Variants in DCLK2 observed in about 807,000 individuals in gnomAD.
DCLK2 encodes the protein serine/threonine-protein kinase DCLK2.
DCLK2 carries 31 observed loss-of-function variants against 78.4 expected under a neutral mutation model. That is an observed-to-expected ratio of 0.40 (90% confidence interval 0.30 to 0.53). DCLK2 has a LOEUF of 0.53. DCLK2 is among the 20% of genes least tolerant of loss of function. DCLK2 has a pLI of 0.61. For missense variants in DCLK2, 872 were observed against 973.7 expected (o/e 0.90, Z 1.39); for synonymous variants, 407 against 374.9 (o/e 1.09, Z -0.99).
chr4:150,156,324 C>T (rs1735264941), intron 2 of DCLK2, among the ~76,000 whole-genome samples: 2 of 151,902 alleles, frequency 1.3e-5, no homozygotes, highest in African/African-American at 4.8e-5. Context: ...CACACTGACC[C>T]TGTGTAATAA....
chr4:150,155,736 G>A (rs1472162129), intron 2 of DCLK2, among the ~76,000 whole-genome samples: 1 of 152,128 alleles, frequency 6.6e-6, no homozygotes, highest in African/African-American at 2.4e-5. Context: ...AATAAGATTG[G>A]GATTTCTGAG....
intron 12 of DCLK2, among the ~76,000 whole-genome samples, chr4:150,241,437 C>T (rs1212960658): frequency 6.6e-6 from 1 of 152,196 alleles, no homozygotes; most frequent in Non-Finnish European, 1.5e-5. Context: ...TACTCTGAAG[C>T]AGAAGTTCAT....
At chr4:150,138,211 G>A (rs905310989) in intron 2 of DCLK2, among the ~76,000 whole-genome samples, 2 of 152,188 alleles carry the variant, frequency 1.3e-5, no homozygotes, top group African/African-American at 4.8e-5. Context: ...AAGCTCTTGG[G>A]CTTTGCAACC....
intron 2 of DCLK2, among the ~76,000 whole-genome samples, chr4:150,153,685 G>A (rs1735055933): frequency 6.6e-6 from 1 of 151,946 alleles, no homozygotes; most frequent in Non-Finnish European, 1.5e-5. Context: ...CAAAGTCCAG[G>A]ATTATAGATG....
intron 1 of DCLK2, among the ~76,000 whole-genome samples, chr4:150,088,828 T>C (rs946415820): frequency 6.6e-6 from 1 of 152,186 alleles, no homozygotes; most frequent in Non-Finnish European, 1.5e-5. Context: ...TCCAGCCCCT[T>C]TCAGCTCTGA....
At chr4:150,218,590 C>T (rs1176947136) in intron 5 of DCLK2, among the ~76,000 whole-genome samples, 3 of 152,186 alleles carry the variant, frequency 2.0e-5, no homozygotes, top group African/African-American at 7.2e-5. Context: ...AGGTACAGGT[C>T]TTAGGACCTC....
At chr4:150,176,482 T>G (rs924963510) in intron 2 of DCLK2, among the ~76,000 whole-genome samples, 32 of 152,196 alleles carry the variant, frequency 2.1e-4, no homozygotes, top group African/African-American at 7.5e-4. Context: ...TTCCCAAGTT[T>G]CCTTGCCACA....
At position 150,078,850 on chromosome 4, in the gene DCLK2, G is replaced by A. The variant is rs1729008371; in HGVS notation, c.-178G>A. On this transcript the variant is annotated 5_prime_UTR_variant, in exon 1 of 16. Coordinates refer to ENST00000296550, the MANE Select transcript of DCLK2 (RefSeq NM_001040260.4). ...GCGCTGCGGACACTTTTAGCTGAGGGCGCGGGCGGGTCGGCTCCTCCGCGG... is the reference window on the plus strand; with the variant it reads ...GCGCTGCGGACACTTTTAGCTGAGGACGCGGGCGGGTCGGCTCCTCCGCGG... The A allele has an allele frequency of 4.1e-6, 3 of 728,046 alleles. No individual in the cohort carries two copies. In the East Asian group the frequency reaches 9.7e-5, roughly 24 times the overall value. 45.1% of individuals were successfully genotyped at this position (728,046 alleles called of 1,614,324 possible). A position where few individuals can be genotyped will look rare whatever the true frequency, so the allele number is the denominator to read the frequency against.
intron 11 of DCLK2, 126 bp from the exon 12 acceptor site, chr4:150,240,273 G>T: frequency 1.3e-6 from 1 of 799,348 alleles, no homozygotes; most frequent in Non-Finnish European, 2.0e-6. Flanking sequence ...ATCTCTATGT[G>T]AAATGAAATG....
chr4:150,153,266 G>A (rs1321632474), intron 2 of DCLK2, among the ~76,000 whole-genome samples: 1 of 152,196 alleles, frequency 6.6e-6, no homozygotes, highest in Non-Finnish European at 1.5e-5. Context: ...GAACCAGATT[G>A]TGAGGGGCCT....
intron 12 of DCLK2, among the ~76,000 whole-genome samples, chr4:150,245,104 A>G (rs1743204907): frequency 6.6e-6 from 1 of 152,226 alleles, no homozygotes; most frequent in Non-Finnish European, 1.5e-5. Flanking sequence ...TTTCCACTAA[A>G]TCTAATAATC....
In DCLK2 at chr4:150,125,039, A is replaced by G. The variant is rs560713404; in HGVS notation, c.756+22227A>G. 5.2e-4 allele frequency among the ~76,000 whole-genome samples: 79 copies of G among 152,334 alleles called. No homozygotes were observed. The South Asian group carries it at 0.015, about 29-fold the overall frequency. ...TCACACAGGTACAGTGACAAATGCCATTAGAGATGAGAAAGACACCAATGT... is the reference window on the plus strand; with the variant it reads ...TCACACAGGTACAGTGACAAATGCCGTTAGAGATGAGAAAGACACCAATGT... On this transcript the variant is annotated intron_variant, in intron 2 of 15. Transcript: ENST00000296550.
At chr4:150,159,619 C>T (rs1735560721) in intron 2 of DCLK2, among the ~76,000 whole-genome samples, 1 of 152,226 alleles carries the variant, frequency 6.6e-6, no homozygotes, top group South Asian at 2.1e-4. Context: ...TTGAGCAGGG[C>T]TTTCATGATG....
chr4:150,105,727 A>T (rs1310594997), intron 2 of DCLK2, among the ~76,000 whole-genome samples: 1 of 152,104 alleles, frequency 6.6e-6, no homozygotes, highest in Non-Finnish European at 1.5e-5. Flanking sequence ...ATTACCATGG[A>T]ATTCATATGT....
Position 150,199,058 on chromosome 4 carries a change from A to G in DCLK2, c.961+955A>G, listed in dbSNP as rs757132475. The G allele has an allele frequency of 1.3e-5, 20 of 1,596,472 alleles. No homozygotes were observed. Among genetic ancestry groups the G allele is most frequent in the East Asian group, 8.9e-5 (4 of 44,806 alleles). ...CGGGGTGGCCACTACTCCAGTGCCT[A>G]TTCTACAGCCAAATCCCCAGGTGAG... is the stretch of plus-strand genomic sequence containing the variant. On this transcript the variant is annotated intron_variant, in intron 4 of 15. Transcript: ENST00000296550.
At chr4:150,122,868 C>T (rs757353550) in intron 2 of DCLK2, among the ~76,000 whole-genome samples, 1 of 152,234 alleles carries the variant, frequency 6.6e-6, no homozygotes, top group Non-Finnish European at 1.5e-5. Context: ...ACTTTTATGT[C>T]ATAGCAAGGG....
At chr4:150,144,048 A>C (rs559972797) in intron 2 of DCLK2, among the ~76,000 whole-genome samples, 1 of 152,084 alleles carries the variant, frequency 6.6e-6, no homozygotes, top group Admixed American at 6.5e-5. Flanking sequence ...TAGATTAATT[A>C]AGTCACATTT....
chr4:150,146,327 A>G (rs1230822946), intron 2 of DCLK2, among the ~76,000 whole-genome samples: 2 of 152,236 alleles, frequency 1.3e-5, no homozygotes, highest in Non-Finnish European at 1.5e-5. Context: ...GCTCTCTTGA[A>G]TTCAGAGTCT....
chr4:150,202,685 G>T (rs540332601), intron 4 of DCLK2, among the ~76,000 whole-genome samples: 1 of 152,028 alleles, frequency 6.6e-6, no homozygotes, highest in Admixed American at 6.6e-5. Flanking sequence ...CTTTAAAAAA[G>T]AATAAAAAGC....
Sources: gnomAD v4.1 joint callset for allele counts (sites outside exome capture counted in the v4.1 genomes callset) on GRCh38, gnomAD v4.1.1 for gene constraint, MANE v1.5 for transcripts, NCBI Gene and HGNC (gene_info 2026-07-23, HGNC 2026-07-21) for gene names.